MDGA2: variants seen among roughly 807,000 people sequenced by gnomAD.
The protein encoded by MDGA2 is MAM domain-containing glycosylphosphatidylinositol anchor protein 2.
In MDGA2, 40 loss-of-function variants were observed where a neutral mutation model predicts 117.8. The observed-to-expected ratio is 0.34, with a 90% CI of 0.26 to 0.44. The LOEUF is 0.44. Ranked by LOEUF, MDGA2 falls within the 20% of genes least tolerant of loss-of-function variation. The pLI, the probability that MDGA2 is intolerant of heterozygous loss-of-function variation, is 1.00. For synonymous variants in MDGA2, 452 were observed against 439.0 expected (o/e 1.03, Z -0.37); for missense variants, 1,123 against 1,250.6 (o/e 0.90, Z 1.54).
At chr14:47,123,028 A>G (rs1881730631) in intron 5 of MDGA2, among the ~76,000 whole-genome samples, 1 of 152,088 alleles carries the variant, frequency 6.6e-6, no homozygotes, top group African/African-American at 2.4e-5. Context: ...AGAAAAATAT[A>G]ATCAATGAAT....
At chr14:47,390,521 G>C (rs1891870706) in intron 1 of MDGA2, among the ~76,000 whole-genome samples, 1 of 152,192 alleles carries the variant, frequency 6.6e-6, no homozygotes, top group Admixed American at 6.5e-5. Flanking sequence ...ACCAAATTAA[G>C]TTAGGATGAA....
At chr14:47,139,249 T>A (rs1882599215) in intron 4 of MDGA2, among the ~76,000 whole-genome samples, 1 of 152,066 alleles carries the variant, frequency 6.6e-6, no homozygotes, top group South Asian at 2.1e-4. Flanking sequence ...CACAGTTCCC[T>A]GTTCTCCACA....
intron 9 of MDGA2, among the ~76,000 whole-genome samples, chr14:46,941,048 TA>T (rs544742458): frequency 4.9e-4 from 75 of 152,182 alleles, no homozygotes; most frequent in Non-Finnish European, 9.7e-4. Context: ...CAGGAATAAC[TA>T]AAAGTTTTGA....
At chr14:47,351,075 C>T (rs1308480194) in intron 1 of MDGA2, among the ~76,000 whole-genome samples, 2 of 93,986 alleles carry the variant, frequency 2.1e-5, no homozygotes, top group Non-Finnish European at 4.6e-5. Flanking sequence ...CCAGGCCCGG[C>T]TAATTTTTTT....
Position 46,840,367 on chromosome 14 carries a change from A to G in MDGA2, c.*1564T>C, listed in dbSNP as rs1000225875. 2.0e-5 allele frequency: 3 copies of G among 152,484 alleles called. No individual in the cohort carries two copies. Among genetic ancestry groups the G allele is most frequent in the Admixed American group, 6.6e-5 (1 of 15,226 alleles). The allele number at this position is 152,484 out of a possible 1,614,324, so 9.4% of individuals were successfully genotyped here. A position where few individuals can be genotyped will look rare whatever the true frequency, so the allele number is the denominator to read the frequency against. On this transcript the variant is annotated 3_prime_UTR_variant, in exon 17 of 17. Coordinates refer to ENST00000399232, the MANE Select transcript of MDGA2 (RefSeq NM_001113498.3). ...CTTAGACAAAAGTCTTTTTAAATGA[A>G]GTTAAAAGCTGAGATAATTTAAGGA... is the stretch of plus-strand genomic sequence containing the variant.
intron 7 of MDGA2, among the ~76,000 whole-genome samples, chr14:47,059,804 A>C (rs982768963): frequency 6.6e-6 from 1 of 152,260 alleles, no homozygotes; most frequent in Non-Finnish European, 1.5e-5. Context: ...GTTTTGATTA[A>C]GTCTAGAACA....
At chr14:47,069,246 A>G (rs1460046079) in intron 6 of MDGA2, among the ~76,000 whole-genome samples, 4 of 152,222 alleles carry the variant, frequency 2.6e-5, no homozygotes, top group Non-Finnish European at 5.9e-5. Flanking sequence ...AATTAATCCA[A>G]TATTTTCTAG....
chr14:47,246,470 C>T (rs759115560), intron 2 of MDGA2, among the ~76,000 whole-genome samples: 5 of 151,636 alleles, frequency 3.3e-5, no homozygotes, highest in Non-Finnish European at 4.4e-5. Context: ...TCAAAATGCT[C>T]GTGTATTAGA....
At chr14:47,266,667 A>AT (rs902953484) in intron 2 of MDGA2, among the ~76,000 whole-genome samples, 2 of 152,108 alleles carry the variant, frequency 1.3e-5, no homozygotes, top group African/African-American at 4.8e-5. Flanking sequence ...CTGGAATTGT[A>AT]TTTTCCCCTC....
chr14:47,135,626 G>A (rs1283248306), intron 4 of MDGA2, among the ~76,000 whole-genome samples: 1 of 151,838 alleles, frequency 6.6e-6, no homozygotes. Context: ...TCAGGGGGTG[G>A]GCGGGGTCAA....
At chr14:46,974,988 C>G (rs1007819040) in intron 8 of MDGA2, among the ~76,000 whole-genome samples, 6 of 151,832 alleles carry the variant, frequency 4.0e-5, no homozygotes, top group Non-Finnish European at 8.8e-5. Context: ...TGGATAAAAA[C>G]TCCTAAAACT....
At chr14:47,600,656 C>A (rs937496949) in intron 1 of MDGA2, among the ~76,000 whole-genome samples, 1 of 151,532 alleles carries the variant, frequency 6.6e-6, no homozygotes, top group African/African-American at 2.4e-5. Flanking sequence ...TTATGTTTCA[C>A]AACTCCAACC....
chr14:47,209,679 T>C (rs1885813601), intron 3 of MDGA2, among the ~76,000 whole-genome samples: 1 of 152,192 alleles, frequency 6.6e-6, no homozygotes, highest in Admixed American at 6.5e-5. Flanking sequence ...TAATACTATT[T>C]GGAAATTAGA....
intron 8 of MDGA2, among the ~76,000 whole-genome samples, chr14:46,995,820 G>C (rs928363654): frequency 6.6e-6 from 1 of 151,062 alleles, no homozygotes; most frequent in Non-Finnish European, 1.5e-5. Context: ...TTTCTTATTC[G>C]TCTAACAGGA....
intron 6 of MDGA2, among the ~76,000 whole-genome samples, chr14:47,076,499 A>T (rs542468434): frequency 6.6e-6 from 1 of 152,014 alleles, no homozygotes; most frequent in African/African-American, 2.4e-5. Context: ...ATCACATTTT[A>T]TCAGGTTACG....
intron 10 of MDGA2, among the ~76,000 whole-genome samples, chr14:46,904,517 A>G (rs1252733556): frequency 6.6e-6 from 1 of 152,226 alleles, no homozygotes; most frequent in Admixed American, 6.5e-5. Flanking sequence ...GTAGCTATCC[A>G]GAGCTTTGAT....
chr14:47,260,962 G>A (rs1412823359), intron 2 of MDGA2, among the ~76,000 whole-genome samples: 2 of 152,016 alleles, frequency 1.3e-5, no homozygotes, highest in Non-Finnish European at 2.9e-5. Flanking sequence ...CAACAAATGG[G>A]TTATTTAAAG....
chr14:46,981,171 A>AGCG (rs71448149), intron 8 of MDGA2, among the ~76,000 whole-genome samples: 10 of 150,902 alleles, frequency 6.6e-5, no homozygotes, highest in African/African-American at 2.4e-4. Flanking sequence ...TGGGAGGCCA[A>AGCG]GGGGGGGGCG....
intron 8 of MDGA2, among the ~76,000 whole-genome samples, chr14:47,009,472 G>C (rs1887822049): frequency 6.6e-6 from 1 of 151,898 alleles, no homozygotes; most frequent in Non-Finnish European, 1.5e-5. Flanking sequence ...CTAGCCCTCT[G>C]GTTCCCAATT....
Sources: gnomAD v4.1 joint callset for allele counts (sites outside exome capture counted in the v4.1 genomes callset) on GRCh38, gnomAD v4.1.1 for gene constraint, MANE v1.5 for transcripts, NCBI Gene and HGNC (gene_info 2026-07-23, HGNC 2026-07-21) for gene names.